NTRK3: variants seen among roughly 807,000 people sequenced by gnomAD.
NTRK3 encodes the protein neurotrophic receptor tyrosine kinase 3.
Under a neutral mutation model 91.7 loss-of-function variants are expected in NTRK3, and 24 were observed. The ratio of observed to expected loss-of-function variants is 0.26; its 90% CI spans 0.19 to 0.37. NTRK3 has a LOEUF of 0.37. Among genes scored for constraint, NTRK3 ranks in the 10% least tolerant of loss-of-function variants. The pLI is 1.00. For synonymous variants in NTRK3, 483 were observed against 404.0 expected (o/e 1.20, Z -2.34); for missense variants, 880 against 1,068.9 (o/e 0.82, Z 2.46).
chr15:88,200,150 C>T (rs2048178119), intron 3 of NTRK3, among the ~76,000 whole-genome samples: 1 of 152,222 alleles, frequency 6.6e-6, no homozygotes, highest in African/African-American at 2.4e-5. Context: ...TCATGTCCCC[C>T]TGCATTCACC....
In NTRK3 at chr15:88,074,027, G is replaced by C. The variant is rs574871132; in HGVS notation, c.1397-40982C>G. Among the ~76,000 whole-genome samples, 4 of 152,302 alleles carry C rather than the reference G, an allele frequency of 2.6e-5. No homozygotes were observed. In the East Asian group the frequency reaches 7.7e-4, roughly 29 times the overall value. ...TGTAGAAGAAATATACCAGACCAAG[G>C]GGGCTTGTCTCTGTCTCTCCGGAAT... is the stretch of plus-strand genomic sequence containing the variant. On this transcript the variant is annotated intron_variant, in intron 13 of 18. Coordinates refer to ENST00000394480, the Ensembl canonical transcript of NTRK3.
intron 13 of NTRK3, among the ~76,000 whole-genome samples, chr15:88,080,359 T>G (rs373771867): frequency 6.6e-6 from 1 of 152,222 alleles, no homozygotes; most frequent in Non-Finnish European, 1.5e-5. Flanking sequence ...CTTTTCTCTA[T>G]ATCTAAACCA....
chr15:88,126,426 C>T lies in NTRK3; in HGVS notation c.1294-53G>A, dbSNP rs1170138079. 3 of 1,269,308 alleles carry T rather than the reference C, an allele frequency of 2.4e-6. No individual in the cohort carries two copies. In the South Asian group the frequency reaches 3.6e-5, roughly 15 times the overall value. 78.6% of individuals were successfully genotyped at this position (1,269,308 alleles called of 1,614,324 possible). On this transcript the variant is annotated intron_variant, in intron 12 of 18. Coordinates refer to ENST00000394480, the Ensembl canonical transcript of NTRK3. Reference sequence around the variant, plus strand: ...GCAACAATCACAGAAAACCCAATTTCCTTGAAAATAATGTGTGTGCCCAGA... The same window carrying T: ...GCAACAATCACAGAAAACCCAATTTTCTTGAAAATAATGTGTGTGCCCAGA...
At chr15:88,190,169 C>T (rs138684952) in intron 3 of NTRK3, among the ~76,000 whole-genome samples, 1 of 152,312 alleles carries the variant, frequency 6.6e-6, no homozygotes, top group Non-Finnish European at 1.5e-5. Flanking sequence ...TTTTCCCGCT[C>T]CTCTCTGGCT....
At chr15:88,000,629 T>C (rs2076036897) in intron 14 of NTRK3, among the ~76,000 whole-genome samples, 1 of 152,146 alleles carries the variant, frequency 6.6e-6, no homozygotes, top group African/African-American at 2.4e-5. Context: ...ACTTTGAATC[T>C]AGCTTCTTTC....
Position 88,117,459 on chromosome 15 carries a change from C to T in NTRK3, c.1396+8812G>A, listed in dbSNP as rs151021387. On this transcript the variant is annotated intron_variant, in intron 13 of 18. Coordinates refer to ENST00000394480, the Ensembl canonical transcript of NTRK3. The stretch of plus-strand genomic sequence containing the variant: ...CCCAGCTTCTCTCTAAAAGGAAGTA[C>T]AGAAATACCTGTTTCATCACCATTC... Among the ~76,000 whole-genome samples the T allele has an allele frequency of 3.0e-4, 46 of 152,282 alleles. No individual in the cohort carries two copies. In the East Asian group the frequency reaches 6.2e-3, roughly 20 times the overall value.
chr15:88,138,997 C>G (rs2042136847), intron 6 of NTRK3, among the ~76,000 whole-genome samples: 1 of 152,176 alleles, frequency 6.6e-6, no homozygotes, highest in African/African-American at 2.4e-5. Context: ...AAAGCCCATC[C>G]TGGGACCAGC....
chr15:87,956,886 T>G (rs971675682), intron 14 of NTRK3, among the ~76,000 whole-genome samples: 3 of 152,048 alleles, frequency 2.0e-5, no homozygotes, highest in African/African-American at 7.2e-5. Context: ...AGGGCAGGGG[T>G]GGGGTAGTCA....
At chr15:88,096,185 C>A (rs2049575849) in intron 13 of NTRK3, among the ~76,000 whole-genome samples, 1 of 152,110 alleles carries the variant, frequency 6.6e-6, no homozygotes, top group Non-Finnish European at 1.5e-5. Flanking sequence ...AACTGTCCTG[C>A]CAGTTTATTC....
chr15:87,870,609 T>G (rs1479391918), exon 19 of NTRK3: 1 of 210,612 alleles, frequency 4.7e-6, no homozygotes, highest in African/African-American at 2.3e-5. Context: ...AAAATAAGTC[T>G]TGAAAAATAG....
At chr15:87,976,425 T>C (rs1036765494) in intron 14 of NTRK3, among the ~76,000 whole-genome samples, 1 of 152,176 alleles carries the variant, frequency 6.6e-6, no homozygotes, top group Non-Finnish European at 1.5e-5. Flanking sequence ...ACTTTACTTG[T>C]CTCATCTCTA....
At chr15:88,238,075 G>C (rs11635578) in intron 3 of NTRK3, among the ~76,000 whole-genome samples, 131,385 of 151,926 alleles carry the variant, frequency 0.86, 56,987 homozygotes, top group East Asian at 0.99. Flanking sequence ...CACACACACA[G>C]AGAGAAGACC....
intron 13 of NTRK3, among the ~76,000 whole-genome samples, chr15:88,108,056 C>T (rs1295209751): frequency 7.9e-5 from 12 of 152,182 alleles, no homozygotes; most frequent in African/African-American, 2.9e-4. Flanking sequence ...GGCAAAGACC[C>T]CAGTTGCTGG....
chr15:88,162,227 A>C (rs1223361533), intron 5 of NTRK3, among the ~76,000 whole-genome samples: 1 of 152,260 alleles, frequency 6.6e-6, no homozygotes, highest in Admixed American at 6.5e-5. Context: ...ACTCATGAAC[A>C]GCTCATTTCT....
At chr15:88,034,104 T>G (rs371748319) in intron 13 of NTRK3, among the ~76,000 whole-genome samples, 8 of 152,132 alleles carry the variant, frequency 5.3e-5, no homozygotes, top group East Asian at 1.9e-4. Flanking sequence ...GGGAGTATCC[T>G]CTATCTTTTA....
intron 13 of NTRK3, among the ~76,000 whole-genome samples, chr15:88,035,007 C>CA (rs1245928001): frequency 1.3e-5 from 2 of 151,458 alleles, no homozygotes; most frequent in Non-Finnish European, 2.9e-5. Flanking sequence ...TACTAAAATA[C>CA]AAAAAAGGAA....
exon 19 of NTRK3, chr15:87,863,698 C>T (rs2064585224): frequency 4.4e-6 from 1 of 226,778 alleles, no homozygotes; most frequent in Non-Finnish European, 8.8e-6. Context: ...TAAACAGATG[C>T]ACCATTGGGG....
At chr15:88,206,807 G>T (rs2048833197) in intron 3 of NTRK3, among the ~76,000 whole-genome samples, 1 of 152,156 alleles carries the variant, frequency 6.6e-6, no homozygotes, top group Admixed American at 6.5e-5. Context: ...CTCGGCCATA[G>T]CCCTGCAGCC....
intron 13 of NTRK3, among the ~76,000 whole-genome samples, chr15:88,113,680 TGG>T (rs2051708230): frequency 6.6e-6 from 1 of 152,174 alleles, no homozygotes; most frequent in Non-Finnish European, 1.5e-5. Flanking sequence ...AGGCCAAATC[TGG>T]CCTGGCACCT....
Sources: allele counts gnomAD v4.1 joint callset (sites outside exome capture counted in the v4.1 genomes callset), GRCh38; gene constraint gnomAD v4.1.1; transcripts MANE v1.5; gene names NCBI Gene and HGNC (gene_info 2026-07-23, HGNC 2026-07-21).